The following TTC19 variants were observed in gnomAD, a reference collection of about 807,000 sequenced individuals.
TTC19 encodes tetratricopeptide repeat domain 19, also known as tetratricopeptide repeat protein 19, mitochondrial.
Under a neutral mutation model 49.5 loss-of-function variants are expected in TTC19, and 38 were observed. That is an observed-to-expected ratio of 0.77 (90% CI 0.59 to 1.01). The LOEUF (loss-of-function observed/expected upper bound fraction) is 1.01, where lower values mean the gene tolerates loss of function less well. TTC19 is among the 50% of genes least tolerant of loss of function. The pLI is 0.00. For synonymous variants in TTC19, 204 were observed against 185.2 expected (o/e 1.10, Z -0.83); for missense variants, 475 against 477.7 (o/e 0.99, Z 0.05).
At chr17:16,030,641 T>G (rs767249623), downstream of TTC19, 57 of 181,344 alleles carry the variant, frequency 3.1e-4, no homozygotes, top group Non-Finnish European at 5.1e-4. Flanking sequence ...AAGCCTGATC[T>G]AAAGTTTATG....
At chr17:16,019,579 G>C (rs1056764375) in intron 7 of TTC19, among the ~76,000 whole-genome samples, 1 of 119,530 alleles carries the variant, frequency 8.4e-6, no homozygotes, top group Non-Finnish European at 1.7e-5. Context: ...ACTGGGGTGA[G>C]GGGTAAGTTG....
At chr17:16,031,539 T>C (rs1971997437), downstream of TTC19, 1 of 214,376 alleles carries the variant, frequency 4.7e-6, no homozygotes. Flanking sequence ...AAATAAGCCT[T>C]TAAAACTTTA....
chr17:16,018,053 T>C (rs1317237889), intron 7 of TTC19, among the ~76,000 whole-genome samples: 1 of 152,220 alleles, frequency 6.6e-6, no homozygotes, highest in Non-Finnish European at 1.5e-5. Context: ...TATCCTTCTT[T>C]CCCTTTTCCT....
chr17:16,027,622 T>C lies in TTC19; in HGVS notation c.*100T>C. The C allele has an allele frequency of 4.9e-6, 7 of 1,430,306 alleles. No individual in the cohort carries two copies. Among genetic ancestry groups the C allele is most frequent in the South Asian group, 1.2e-5 (1 of 84,520 alleles). 88.6% of individuals were successfully genotyped at this position (1,430,306 alleles called of 1,614,324 possible). A position where few individuals can be genotyped will look rare whatever the true frequency, so the allele number is the denominator to read the frequency against. Reference sequence around the variant, plus strand: ...GATCAATGGCTTAAATCTGTCGTTTTTGATATTCAGGTTTCCTCAATTTAG... The same window carrying C: ...GATCAATGGCTTAAATCTGTCGTTTCTGATATTCAGGTTTCCTCAATTTAG... On this transcript the variant is annotated 3_prime_UTR_variant, in exon 10 of 10. Transcript: ENST00000261647.
chr17:16,003,318 A>G (rs934037189), intron 4 of TTC19, among the ~76,000 whole-genome samples: 1 of 151,990 alleles, frequency 6.6e-6, no homozygotes, highest in Non-Finnish European at 1.5e-5. Context: ...TGGCTTAATC[A>G]TGGCTGACTG....
intron 2 of TTC19, chr17:16,039,224 G>T (rs2151975547): frequency 1.8e-6 from 1 of 564,154 alleles, no homozygotes. Flanking sequence ...TGACACTTTG[G>T]GTAAAAATTT....
chr17:16,011,267 A>G (rs1036123953), intron 7 of TTC19, among the ~76,000 whole-genome samples: 1 of 151,960 alleles, frequency 6.6e-6, no homozygotes, highest in African/African-American at 2.4e-5. Flanking sequence ...AGCAAGCTCC[A>G]CCTCCTGGGT....
At chr17:16,026,410 G>A (rs1388594920) in intron 8 of TTC19, 130 bp from the exon 9 acceptor site, 1 of 820,258 alleles carries the variant, frequency 1.2e-6, no homozygotes, top group African/African-American at 1.7e-5. Context: ...GTTAAAGAAT[G>A]GTATCCCTCA....
At chr17:16,036,457 C>T (rs2151901753) in intron 2 of TTC19, among the ~76,000 whole-genome samples, 1 of 152,308 alleles carries the variant, frequency 6.6e-6, no homozygotes, top group African/African-American at 2.4e-5. Context: ...GCATTAGCCC[C>T]TAACAAGAGA....
downstream of TTC19, chr17:16,031,505 G>A (rs1017287107): frequency 9.8e-6 from 2 of 204,972 alleles, no homozygotes; most frequent in South Asian, 3.8e-4. Flanking sequence ...AATTACCAGT[G>A]TGCGTAACAG....
At chr17:16,036,899 CTT>C (rs1040987885) in intron 2 of TTC19, among the ~76,000 whole-genome samples, 1 of 152,226 alleles carries the variant, frequency 6.6e-6, no homozygotes, top group Non-Finnish European at 1.5e-5. Flanking sequence ...CCTTCAAAAA[CTT>C]TTCCTTTGCA....
At chr17:16,005,300 G>A (rs932797758) in intron 6 of TTC19, among the ~76,000 whole-genome samples, 1 of 152,218 alleles carries the variant, frequency 6.6e-6, no homozygotes, top group Admixed American at 6.5e-5. Context: ...GACTGGGAGC[G>A]TCTTCTGGGC....
intron 2 of TTC19, chr17:16,041,164 ACT>A (rs992304699): frequency 2.0e-5 from 3 of 152,124 alleles, no homozygotes; most frequent in African/African-American, 7.2e-5. Context: ...AAAACAAAAG[ACT>A]CTGTTGATCC....
rs138999666 is a variant in TTC19 at position 16,044,806 on chromosome 17, T to A, written c.*251T>A. On this transcript the variant is annotated 3_prime_UTR_variant, in exon 3 of 3. Coordinates refer to the TTC19 transcript ENST00000470649. ...TCAACATTGGGAGCCTCATCTACAA[T>A]GTAGGGGCTGGTGGACCTGCTCCAG... The A allele has an allele frequency of 5.6e-4, 622 of 1,105,360 alleles. 3 individuals carry two copies. The African/African-American group carries it at 8.6e-3, about 15-fold the overall frequency. 68.5% of individuals were successfully genotyped at this position (1,105,360 alleles called of 1,614,324 possible).
At chr17:16,035,530 C>CTTTTTTT (rs966987249) in intron 2 of TTC19, among the ~76,000 whole-genome samples, 2 of 118,340 alleles carry the variant, frequency 1.7e-5, no homozygotes, top group Non-Finnish European at 1.8e-5. Flanking sequence ...TTCTCTTGTT[C>CTTTTTTT]TTTTTTTTTT....
At chr17:16,018,181 A>G (rs1429304794) in intron 7 of TTC19, among the ~76,000 whole-genome samples, 1 of 152,166 alleles carries the variant, frequency 6.6e-6, no homozygotes, top group African/African-American at 2.4e-5. Flanking sequence ...TCCTGCTCAG[A>G]TGCTTTGCTG....
At chr17:16,005,549 G>A (rs1454565096) in intron 6 of TTC19, among the ~76,000 whole-genome samples, 1 of 152,200 alleles carries the variant, frequency 6.6e-6, no homozygotes, top group Non-Finnish European at 1.5e-5. Context: ...AGGGATTTCT[G>A]TCACATTTCC....
At chr17:16,004,532 A>G (rs1287609030) in intron 6 of TTC19, among the ~76,000 whole-genome samples, 5 of 152,202 alleles carry the variant, frequency 3.3e-5, no homozygotes, top group African/African-American at 4.8e-5. Flanking sequence ...TGGGAAGGGA[A>G]GTTAGAGTTA....
At position 16,027,692 on chromosome 17, in the gene TTC19, A is replaced by T. The variant is rs543424548; in HGVS notation, c.*170A>T. Reference sequence around the variant, plus strand: ...GTACACACTGCCATTTTTGTATTTTAAAGGAAAAATGACTTTCATTCCCAA... The same window carrying T: ...GTACACACTGCCATTTTTGTATTTTTAAGGAAAAATGACTTTCATTCCCAA... On this transcript the variant is annotated 3_prime_UTR_variant, in exon 10 of 10. Transcript: ENST00000261647. The T allele has an allele frequency of 7.2e-5, 56 of 779,926 alleles. No individual in the cohort carries two copies. The highest frequency in any genetic ancestry group is 7.2e-4 in the African/African-American group (42 of 58,538). 48.3% of individuals were successfully genotyped at this position (779,926 alleles called of 1,614,324 possible).
Sources: gnomAD v4.1 joint callset for allele counts (sites outside exome capture counted in the v4.1 genomes callset) on GRCh38, gnomAD v4.1.1 for gene constraint, MANE v1.5 for transcripts, NCBI Gene and HGNC (gene_info 2026-07-23, HGNC 2026-07-21) for gene names.